The following FBN2 variants were observed in gnomAD, a reference collection of about 807,000 sequenced individuals.
The protein encoded by FBN2 is fibrillin 2, also known as fibrillin-2.
Under a neutral mutation model 355.6 loss-of-function variants are expected in FBN2, and 105 were observed. That is an observed-to-expected ratio of 0.30 (90% CI 0.25 to 0.35). FBN2 has a LOEUF of 0.35. Among genes scored for constraint, FBN2 ranks in the 10% least tolerant of loss-of-function variants. The pLI is 1.00. For synonymous variants in FBN2, 1,350 were observed against 1,301.2 expected (o/e 1.04, Z -0.81); for missense variants, 3,280 against 3,758.7 (o/e 0.87, Z 3.33).
intron 7 of FBN2, among the ~76,000 whole-genome samples, chr5:128,432,615 A>G (rs761972086): frequency 3.3e-5 from 5 of 152,188 alleles, no homozygotes; most frequent in Non-Finnish European, 7.3e-5. Flanking sequence ...GAAGAACTGC[A>G]TTTAGTGTTC....
At position 128,537,644 on chromosome 5, in the gene FBN2, G is replaced by T; in HGVS notation, c.-41C>A. On this transcript the variant is annotated 5_prime_UTR_variant, in exon 1 of 65. Transcript: ENST00000262464. ...CGCGCGGCCGTAGACCCGCGGAGAG[G>T]GAGTGATCAAAGACAAAATCTGCGC... The T allele has an allele frequency of 6.3e-7, 1 of 1,588,352 alleles. No homozygotes were observed.
chr5:128,458,701 G>C lies in FBN2; in HGVS notation c.826+6023C>G, dbSNP rs148724790. Among the ~76,000 whole-genome samples the C allele has an allele frequency of 2.0e-3, 308 of 152,134 alleles. 1 individual carries two copies. The highest frequency in any genetic ancestry group is 5.8e-3 in the South Asian group (28 of 4,814). The stretch of plus-strand genomic sequence containing the variant: ...AACAACCTGCTCCTGAATGACTCCT[G>C]GGTAAATACTGAAAGTAAGGCGGAA... On this transcript the variant is annotated intron_variant, in intron 6 of 64. Coordinates refer to ENST00000262464, the MANE Select transcript of FBN2 (RefSeq NM_001999.4).
chr5:128,331,036 T>C (rs753638032), intron 32 of FBN2, among the ~76,000 whole-genome samples: 1 of 152,226 alleles, frequency 6.6e-6, no homozygotes, highest in Non-Finnish European at 1.5e-5. Context: ...CTGAAGGTGA[T>C]ACTGAATTTC....
At chr5:128,414,762 G>A (rs768700444) in intron 7 of FBN2, among the ~76,000 whole-genome samples, 2 of 151,890 alleles carry the variant, frequency 1.3e-5, no homozygotes, top group East Asian at 3.9e-4. Flanking sequence ...ATATATGAGG[G>A]AGTCCTTCAT....
At chr5:128,310,235 G>A in intron 39 of FBN2, 127 bp from the exon 40 acceptor site, 2 of 774,288 alleles carry the variant, frequency 2.6e-6, no homozygotes, top group South Asian at 1.7e-5. Context: ...TAGAAATAAA[G>A]AAAATATCCC....
intron 13 of FBN2, 36 bp from the exon 14 acceptor site, chr5:128,376,889 C>T (rs764859063): frequency 4.7e-5 from 76 of 1,610,544 alleles, no homozygotes; most frequent in Non-Finnish European, 5.9e-5. Context: ...GAACACTGGC[C>T]TTGAGGGAAC....
intron 62 of FBN2, among the ~76,000 whole-genome samples, chr5:128,269,950 C>A (rs1319472074): frequency 2.0e-5 from 3 of 152,166 alleles, no homozygotes; most frequent in Non-Finnish European, 2.9e-5. Flanking sequence ...AAGTATACAA[C>A]AAGGCTACAG....
At chr5:128,448,464 C>T (rs780914162) in intron 6 of FBN2, among the ~76,000 whole-genome samples, 30 of 151,896 alleles carry the variant, frequency 2.0e-4, no homozygotes, top group Non-Finnish European at 3.4e-4. Flanking sequence ...TGCACCACCA[C>T]GCCCGGCTAA....
intron 55 of FBN2, among the ~76,000 whole-genome samples, chr5:128,281,997 A>C (rs901344391): frequency 6.6e-6 from 1 of 152,070 alleles, no homozygotes; most frequent in Non-Finnish European, 1.5e-5. Context: ...GCAGGTAATT[A>C]TTTAAGAGGG....
intron 5 of FBN2, among the ~76,000 whole-genome samples, chr5:128,503,156 C>A (rs1381303314): frequency 6.6e-6 from 1 of 152,174 alleles, no homozygotes; most frequent in Non-Finnish European, 1.5e-5. Context: ...AGTTCTCCTG[C>A]ACAAGCTCTC....
At chr5:128,327,032 G>T (rs1750568817) in intron 34 of FBN2, among the ~76,000 whole-genome samples, 2 of 152,290 alleles carry the variant, frequency 1.3e-5, no homozygotes, top group Middle Eastern at 3.4e-3. Context: ...ACTAACTCTT[G>T]TCAAGCTAAT....
At chr5:128,378,242 A>T (rs1164427732) in intron 12 of FBN2, among the ~76,000 whole-genome samples, 2 of 152,150 alleles carry the variant, frequency 1.3e-5, no homozygotes, top group Non-Finnish European at 2.9e-5. Context: ...ATTAAGAGTA[A>T]CACAATGAAA....
At chr5:128,286,917 G>T (rs1581188881) in intron 54 of FBN2, 68 bp from the exon 55 acceptor site, 7 of 1,475,548 alleles carry the variant, frequency 4.7e-6, no homozygotes, top group African/African-American at 1.4e-5. Context: ...TAAGTCACAG[G>T]TGTGGTCTTC....
intron 25 of FBN2, among the ~76,000 whole-genome samples, chr5:128,343,775 G>A (rs1751092507): frequency 6.6e-6 from 1 of 152,184 alleles, no homozygotes; most frequent in Admixed American, 6.5e-5. Flanking sequence ...TATAATTCTT[G>A]TGGATTTAAT....
intron 8 of FBN2, among the ~76,000 whole-genome samples, chr5:128,403,374 T>C (rs1024582200): frequency 6.6e-6 from 1 of 152,226 alleles, no homozygotes; most frequent in Non-Finnish European, 1.5e-5. Context: ...ACCATCATAT[T>C]ACTGGAAGAA....
rs1322680943 is a variant in FBN2, at chr5:128,312,742, G to C, written c.4771C>G (p.Leu1591Val). The C allele has an allele frequency of 2.5e-6, 4 of 1,613,734 alleles. No homozygotes were observed. In the African/African-American group the frequency reaches 5.3e-5, roughly 22 times the overall value. The stretch of plus-strand genomic sequence containing the variant: ...ACCCCGATCTCGGTGTTGCAAGACA[G>C]ACTCCCATCTCCTCGAGGTCCAAAC... ...LKFGPRGDGS[L>V]SCNTEIGVGV... Residue 1591 changes from leucine (L) to valine (V), a missense_variant, in exon 37 of 65, where the codon CTG becomes GTG. Physicochemically the swap from Leu to Val is conservative, Grantham distance 32. This residue lies in a region of FBN2 where 2,284 missense variants were observed against 2,749.5 expected (regional missense o/e 0.83). Transcript: ENST00000262464.
At chr5:128,346,401 T>C (rs1218604184) in intron 23 of FBN2, among the ~76,000 whole-genome samples, 1 of 152,230 alleles carries the variant, frequency 6.6e-6, no homozygotes, top group African/African-American at 2.4e-5. Context: ...TCAAATAGCA[T>C]GATTTCTTTG....
intron 11 of FBN2, among the ~76,000 whole-genome samples, chr5:128,383,941 G>A (rs991221639): frequency 6.6e-6 from 1 of 151,936 alleles, no homozygotes; most frequent in Non-Finnish European, 1.5e-5. Context: ...CCACGCCTAG[G>A]TATATACTCA....
In FBN2 at chr5:128,536,480, T is replaced by G. The variant is rs756569459; in HGVS notation, c.259A>C (p.Asn87His). The G allele has an allele frequency of 6.2e-7, 1 of 1,613,654 alleles. No homozygotes were observed. Reference protein sequence around the residue: ...RGQQDVLRGPNVCGSRFHSYC... With the variant: ...RGQQDVLRGPHVCGSRFHSYC... Reference sequence around the variant, plus strand: ...GAGTGGAATCTGGAGCCGCACACGTTGGGCCTGTGATGGACAAGCGCGGTC... The same window carrying G: ...GAGTGGAATCTGGAGCCGCACACGTGGGGCCTGTGATGGACAAGCGCGGTC... Residue 87 changes from asparagine (N) to histidine (H), a missense_variant, in exon 2 of 65, where the codon AAC becomes CAC. Asn to His is a moderately conservative substitution (Grantham distance 68). Coordinates refer to ENST00000262464, the MANE Select transcript of FBN2 (RefSeq NM_001999.4).
Sources: gnomAD v4.1 joint callset for allele counts (sites outside exome capture counted in the v4.1 genomes callset) on GRCh38, gnomAD v4.1.1 for gene constraint, gnomAD v4.1.1 regional missense constraint, MANE v1.5 for transcripts, NCBI Gene and HGNC (gene_info 2026-07-23, HGNC 2026-07-21) for gene names.